The following RPRD2 variants were observed in gnomAD, a reference collection of about 807,000 sequenced individuals.
The protein encoded by RPRD2 is regulation of nuclear pre-mRNA domain containing 2, also known as regulation of nuclear pre-mRNA domain-containing protein 2.
A neutral mutation model predicts 104.4 loss-of-function variants in RPRD2; 12 were observed. That is an observed-to-expected ratio of 0.11 (90% CI 0.07 to 0.19). RPRD2 has a LOEUF of 0.19. Among genes scored for constraint, RPRD2 ranks in the 10% least tolerant of loss-of-function variants. The pLI is 1.00. For missense variants in RPRD2, 1,543 were observed against 1,790.1 expected (o/e 0.86, Z 2.49); for synonymous variants, 714 against 684.9 (o/e 1.04, Z -0.66).
In RPRD2 at chr1:150,383,950, C is replaced by T. The variant is rs187074278; in HGVS notation, c.205+19031C>T. 1.4e-3 allele frequency among the ~76,000 whole-genome samples: 214 copies of T among 152,248 alleles called. 1 individual carries two copies. Among genetic ancestry groups the T allele is most frequent in the African/African-American group, 4.7e-3 (196 of 41,560 alleles). ...ACAAAAATAACAGTACAAATTTGTA[C>T]TTTGTGCAACAGAATTTCCCAAAAA... On this transcript the variant is annotated intron_variant, in intron 1 of 10. Transcript: ENST00000369068.
intron 1 of RPRD2, among the ~76,000 whole-genome samples, chr1:150,379,358 A>G (rs1046015316): frequency 6.6e-6 from 1 of 151,772 alleles, no homozygotes; most frequent in African/African-American, 2.4e-5. Flanking sequence ...GGGTTAATGG[A>G]TGTTTTTAAA....
In RPRD2 at chr1:150,466,486, C is replaced by G. The variant is rs899003401; in HGVS notation, c.1612+1759C>G. Among the ~76,000 whole-genome samples, 5 of 149,760 alleles carry G rather than the reference C, an allele frequency of 3.3e-5. No homozygotes were observed. In the East Asian group the frequency reaches 9.7e-4, roughly 29 times the overall value. ...ATCACTTGAGCCCAGGAGTTCAAGG[C>G]TGCAGTACGCTGTGGTCACCCCACT... On this transcript the variant is annotated intron_variant, in intron 10 of 10. Coordinates refer to ENST00000369068, the MANE Select transcript of RPRD2 (RefSeq NM_015203.5).
chr1:150,412,289 A>G (rs1664000396), intron 1 of RPRD2, among the ~76,000 whole-genome samples: 1 of 152,186 alleles, frequency 6.6e-6, no homozygotes, highest in African/African-American at 2.4e-5. Flanking sequence ...GATTACCTCA[A>G]CCACTTTTTT....
At chr1:150,419,210 A>G (rs1463850611) in intron 2 of RPRD2, among the ~76,000 whole-genome samples, 1 of 152,142 alleles carries the variant, frequency 6.6e-6, no homozygotes, top group Non-Finnish European at 1.5e-5. Flanking sequence ...GTTTTCTATA[A>G]GAGGCACACA....
rs201385134 is a variant in RPRD2, at chr1:150,441,916, A to C, written c.472A>C (p.Asn158His). The C allele has an allele frequency of 1.3e-5, 21 of 1,613,288 alleles. No individual in the cohort carries two copies. Among genetic ancestry groups the C allele is most frequent in the Non-Finnish European group, 1.4e-5 (17 of 1,179,666 alleles). Residue 158 changes from asparagine to histidine, a missense_variant, in exon 4 of 11, where the codon AAT becomes CAT. Physicochemically the swap from Asn to His is moderately conservative, Grantham distance 68. Coordinates refer to ENST00000369068, the MANE Select transcript of RPRD2 (RefSeq NM_015203.5). ...TFKTQKQLKE[N>H]LNKQPNKQWK... is the part of the protein sequence containing the mutation. ...CAAAACTCAGAAGCAGCTGAAAGAA[A>C]ATCTGAACAAACAACCGAATAAGCA... is the stretch of plus-strand genomic sequence containing the variant.
chr1:150,393,566 T>C (rs1201465572), intron 1 of RPRD2, among the ~76,000 whole-genome samples: 7 of 151,952 alleles, frequency 4.6e-5, no homozygotes, highest in Non-Finnish European at 1.0e-4. Context: ...AGATTATGAG[T>C]TACAAATTGA....
At chr1:150,443,626 G>A (rs1666548199) in intron 5 of RPRD2, among the ~76,000 whole-genome samples, 1 of 152,132 alleles carries the variant, frequency 6.6e-6, no homozygotes, top group African/African-American at 2.4e-5. Context: ...ATTTAGAGAG[G>A]CTATATAAAT....
chr1:150,373,854 T>C (rs914892039), intron 1 of RPRD2, among the ~76,000 whole-genome samples: 6 of 151,968 alleles, frequency 3.9e-5, no homozygotes, highest in African/African-American at 1.5e-4. Context: ...AGAGTGTAGA[T>C]AGGGAAGTAA....
intron 1 of RPRD2, among the ~76,000 whole-genome samples, chr1:150,395,992 A>C (rs1553884141): frequency 6.6e-6 from 1 of 152,130 alleles, no homozygotes; most frequent in African/African-American, 2.4e-5. Flanking sequence ...CACTGCATCC[A>C]TGCCAACTTC....
intron 7 of RPRD2, among the ~76,000 whole-genome samples, chr1:150,452,536 A>G (rs1459576882): frequency 6.6e-6 from 1 of 152,118 alleles, no homozygotes; most frequent in Non-Finnish European, 1.5e-5. Context: ...ATTTATTTAT[A>G]TGAATGGACT....
chr1:150,373,497 T>C (rs1053474957), intron 1 of RPRD2, among the ~76,000 whole-genome samples: 7 of 148,466 alleles, frequency 4.7e-5, no homozygotes, highest in African/African-American at 1.7e-4. Context: ...GTGGATTAAA[T>C]GTGGGGTGAG....
At chr1:150,432,184 AAAAAAAAAG>A (rs782141240) in intron 2 of RPRD2, among the ~76,000 whole-genome samples, 1 of 151,944 alleles carries the variant, frequency 6.6e-6, no homozygotes, top group Non-Finnish European at 1.5e-5. Context: ...TTAAAAAAAA[AAAAAAAAAG>A]AAAGAAAAGT....
chr1:150,384,312 CTA>C (rs1328645874), intron 1 of RPRD2, among the ~76,000 whole-genome samples: 1 of 151,550 alleles, frequency 6.6e-6, no homozygotes, highest in Non-Finnish European at 1.5e-5. Context: ...TTTTCAAAAA[CTA>C]TGTGAAACAG....
chr1:150,416,036 G>C (rs965064087), intron 1 of RPRD2, among the ~76,000 whole-genome samples: 1 of 152,170 alleles, frequency 6.6e-6, no homozygotes, highest in Non-Finnish European at 1.5e-5. Flanking sequence ...ACTGTATGTA[G>C]CATTGCGGGC....
intron 1 of RPRD2, among the ~76,000 whole-genome samples, chr1:150,395,808 C>T (rs996084630): frequency 3.3e-5 from 5 of 152,166 alleles, no homozygotes; most frequent in African/African-American, 4.8e-5. Flanking sequence ...CGCGTCCGGC[C>T]GCAAGTATCT....
Position 150,411,458 on chromosome 1 carries a change from C to CAA in RPRD2, c.206-6128_206-6127dup, listed in dbSNP as rs1175130265. Among the ~76,000 whole-genome samples, 33 of 88,554 alleles carry CAA rather than the reference C, an allele frequency of 3.7e-4. 2 individuals are homozygous for CAA. The highest frequency in any genetic ancestry group is 1.5e-3 in the African/African-American group (29 of 19,496). The allele number at this position is 88,554 out of a possible 152,430, so 58.1% of individuals were successfully genotyped here. On this transcript the variant is annotated intron_variant, in intron 1 of 10. Transcript: ENST00000369068. ...CCTGGACAACAGAGCTAGACTGTCT[C>CAA]AAAAAAAAAAACAAAAAAAAAACGA... is the stretch of plus-strand genomic sequence containing the variant.
chr1:150,385,488 A>C (rs1560156155), intron 1 of RPRD2, among the ~76,000 whole-genome samples: 1 of 152,218 alleles, frequency 6.6e-6, no homozygotes, highest in Non-Finnish European at 1.5e-5. Context: ...TAAATAAATA[A>C]GTAGTTAATA....
chr1:150,402,712 A>G (rs1663139390), intron 1 of RPRD2, among the ~76,000 whole-genome samples: 2 of 152,038 alleles, frequency 1.3e-5, no homozygotes, highest in Non-Finnish European at 2.9e-5. Context: ...CACGCCTGTA[A>G]TCCCAGCACT....
chr1:150,460,137 T>G lies in RPRD2; in HGVS notation c.1231T>G (p.Ser411Ala), dbSNP rs782349380. The change falls in exon 9 of 11, where the codon TCA (serine) becomes GCA (alanine). Residue 411 changes from serine to alanine, a missense_variant. By Grantham distance (99) the Ser-to-Ala change is moderately conservative. Around this residue, in one of 4 missense-constraint regions of RPRD2, gnomAD observed 572 missense variants for 787.3 expected, o/e 0.73. Transcript: ENST00000369068. ...SVPTKPTENI[S>A]KASSCTPVPV... The stretch of plus-strand genomic sequence containing the variant: ...ACCTACAAAGCCAACAGAAAATATC[T>G]CAAAGGCCTCTTCATGTACCCCAGT... 1 of 1,613,870 alleles carries G rather than the reference T, an allele frequency of 6.2e-7. No homozygotes were observed. Among genetic ancestry groups the G allele is most frequent in the South Asian group, 1.1e-5 (1 of 91,072 alleles).
Sources: allele counts gnomAD v4.1 joint callset (sites outside exome capture counted in the v4.1 genomes callset), GRCh38; gene constraint gnomAD v4.1.1; regional missense constraint gnomAD v4.1.1; transcripts MANE v1.5; gene names NCBI Gene and HGNC (gene_info 2026-07-23, HGNC 2026-07-21).